XKR4: variants seen among roughly 807,000 people sequenced by gnomAD.
XKR4 encodes the protein XK-related protein 4.
Under a neutral mutation model 53.9 loss-of-function variants are expected in XKR4, and 12 were observed. The ratio of observed to expected loss-of-function variants is 0.22; its 90% CI spans 0.14 to 0.36. The LOEUF (loss-of-function observed/expected upper bound fraction) is 0.36, where lower values mean the gene tolerates loss of function less well. Among genes scored for constraint, XKR4 ranks in the 10% least tolerant of loss-of-function variants. The pLI, the probability that XKR4 is intolerant of heterozygous loss-of-function variation, is 1.00. For missense variants in XKR4, 799 were observed against 859.5 expected, an observed-to-expected ratio of 0.93 and a Z score of 0.88; for synonymous variants, 354 against 362.4, an observed-to-expected ratio of 0.98 and a Z score of 0.26.
At chr8:55,428,102 C>G (rs1014646162) in intron 2 of XKR4, among the ~76,000 whole-genome samples, 5 of 152,154 alleles carry the variant, frequency 3.3e-5, no homozygotes, top group Non-Finnish European at 7.3e-5. Flanking sequence ...ATTTGTAGGA[C>G]TTCTGCATCC....
intron 2 of XKR4, among the ~76,000 whole-genome samples, chr8:55,511,621 C>T (rs1008321355): frequency 6.6e-6 from 1 of 152,240 alleles, no homozygotes; most frequent in African/African-American, 2.4e-5. Context: ...TCTCAGATTT[C>T]TCTGCAAATC....
intron 1 of XKR4, among the ~76,000 whole-genome samples, chr8:55,314,210 G>A (rs1335491559): frequency 2.0e-5 from 3 of 152,166 alleles, no homozygotes; most frequent in Non-Finnish European, 4.4e-5. Context: ...TTTAAAATGT[G>A]AGTCAAATTA....
chr8:55,256,138 A>G (rs1250597634), intron 1 of XKR4, among the ~76,000 whole-genome samples: 1 of 152,068 alleles, frequency 6.6e-6, no homozygotes, highest in East Asian at 1.9e-4. Flanking sequence ...GTATTCCAGG[A>G]AAAGGATACT....
chr8:55,293,042 C>T (rs1184155775), intron 1 of XKR4, among the ~76,000 whole-genome samples: 1 of 147,260 alleles, frequency 6.8e-6, no homozygotes, highest in Non-Finnish European at 1.5e-5. Context: ...ATTTTAAAAT[C>T]CATATAGTTT....
intron 2 of XKR4, among the ~76,000 whole-genome samples, chr8:55,413,643 T>A (rs1804805536): frequency 6.6e-6 from 1 of 152,226 alleles, no homozygotes; most frequent in South Asian, 2.1e-4. Context: ...GTTTTTTAAA[T>A]CTCTGGTTCT....
chr8:55,249,787 G>A (rs1264668175), intron 1 of XKR4, among the ~76,000 whole-genome samples: 1 of 152,050 alleles, frequency 6.6e-6, no homozygotes, highest in Non-Finnish European at 1.5e-5. Flanking sequence ...AGTATTCTGT[G>A]GAATTAATGT....
chr8:55,469,720 T>A lies in XKR4; in HGVS notation c.1007-53561T>A, dbSNP rs914764623. On this transcript the variant is annotated intron_variant, in intron 2 of 2. Transcript: ENST00000327381. ...GGAATCTTGGGAGGCTCTATTCCAA[T>A]CTCCAACTTCTAAGGATCAGGGAAG... 3.9e-5 allele frequency among the ~76,000 whole-genome samples: 6 copies of A among 152,010 alleles called. 1 individual carries two copies. Among genetic ancestry groups the A allele is most frequent in the African/African-American group, 1.5e-4 (6 of 41,336 alleles).
chr8:55,211,144 G>A (rs778456960), intron 1 of XKR4, among the ~76,000 whole-genome samples: 2 of 152,176 alleles, frequency 1.3e-5, no homozygotes, highest in Non-Finnish European at 2.9e-5. Flanking sequence ...CTGCCTGCCT[G>A]ATTGGTTTCT....
chr8:55,489,062 G>C (rs951432511), intron 2 of XKR4, among the ~76,000 whole-genome samples: 1 of 152,128 alleles, frequency 6.6e-6, no homozygotes, highest in Non-Finnish European at 1.5e-5. Flanking sequence ...ATACTACAAT[G>C]GTGGATACAT....
At chr8:55,460,026 C>A (rs199958889) in intron 2 of XKR4, among the ~76,000 whole-genome samples, 56 of 101,164 alleles carry the variant, frequency 5.5e-4, no homozygotes, top group African/African-American at 1.5e-3. Context: ...AAAAAAAAAC[C>A]AAATGTCCAT....
chr8:55,307,440 C>G (rs1316657729), intron 1 of XKR4, among the ~76,000 whole-genome samples: 1 of 152,028 alleles, frequency 6.6e-6, no homozygotes, highest in Non-Finnish European at 1.5e-5. Flanking sequence ...TCACTTGAGC[C>G]CAGGAGTTCA....
rs182342367 is a variant in XKR4 at position 55,497,978 on chromosome 8, G to C, written c.1007-25303G>C. On this transcript the variant is annotated intron_variant, in intron 2 of 2. Transcript: ENST00000327381. Reference sequence around the variant, plus strand: ...GCTGCTGTTCCACACTCAGCCCTCTGGTCACACCCACTCCAGGCTGGCCCC... The same window carrying C: ...GCTGCTGTTCCACACTCAGCCCTCTCGTCACACCCACTCCAGGCTGGCCCC... Among the ~76,000 whole-genome samples, 632 of 152,240 alleles carry C rather than the reference G, an allele frequency of 4.2e-3. 4 individuals carry two copies. The highest frequency in any genetic ancestry group is 0.014 in the African/African-American group (579 of 41,520).
At chr8:55,325,345 C>T (rs929993025) in intron 1 of XKR4, among the ~76,000 whole-genome samples, 1 of 152,066 alleles carries the variant, frequency 6.6e-6, no homozygotes, top group Non-Finnish European at 1.5e-5. Context: ...ACTGCACTAA[C>T]CTTTGAATGG....
At chr8:55,452,292 T>C in intron 2 of XKR4, 1 of 645,802 alleles carries the variant, frequency 1.5e-6, no homozygotes, top group South Asian at 1.6e-5. Flanking sequence ...GCTGATGCAT[T>C]TCTCCTTGGT....
chr8:55,495,313 T>C (rs1806326577), intron 2 of XKR4, among the ~76,000 whole-genome samples: 1 of 152,018 alleles, frequency 6.6e-6, no homozygotes, highest in Non-Finnish European at 1.5e-5. Flanking sequence ...AGCACAGAGA[T>C]GCCTGGGTCT....
intron 1 of XKR4, among the ~76,000 whole-genome samples, chr8:55,276,350 A>G (rs1213394416): frequency 6.6e-6 from 1 of 152,220 alleles, no homozygotes; most frequent in African/African-American, 2.4e-5. Context: ...GGACAAAATT[A>G]TTCCAATGAT....
chr8:55,347,314 C>T (rs1391574046), intron 1 of XKR4, among the ~76,000 whole-genome samples: 1 of 152,168 alleles, frequency 6.6e-6, no homozygotes, highest in Non-Finnish European at 1.5e-5. Flanking sequence ...TTTACATGTT[C>T]AGAATCTCAC....
rs376218507 is a variant in XKR4, at chr8:55,148,695, T to C, written c.806+45401T>C. On this transcript the variant is annotated intron_variant, in intron 1 of 2. Transcript: ENST00000327381. Reference sequence around the variant, plus strand: ...AATTTATTATTTGTCTTTGAAATAATTAAAGATTTTTTTCTTTTCTTTATT... The same window carrying C: ...AATTTATTATTTGTCTTTGAAATAACTAAAGATTTTTTTCTTTTCTTTATT... Among the ~76,000 whole-genome samples the C allele has an allele frequency of 2.0e-4, 31 of 152,340 alleles. No individual in the cohort carries two copies. The South Asian group carries it at 6.2e-3, about 31-fold the overall frequency.
chr8:55,290,062 G>A (rs1293263931), intron 1 of XKR4, among the ~76,000 whole-genome samples: 1 of 151,068 alleles, frequency 6.6e-6, no homozygotes, highest in Non-Finnish European at 1.5e-5. Context: ...CCTCATTGTG[G>A]TTTTAATTCA....
Sources: allele counts gnomAD v4.1 joint callset (sites outside exome capture counted in the v4.1 genomes callset), GRCh38; gene constraint gnomAD v4.1.1; transcripts MANE v1.5; gene names NCBI Gene and HGNC (gene_info 2026-07-23, HGNC 2026-07-21).